KIF16B: variants seen among roughly 807,000 people sequenced by gnomAD.
KIF16B encodes the protein kinesin-like protein KIF16B.
A neutral mutation model predicts 156.3 loss-of-function variants in KIF16B; 98 were observed. The ratio of observed to expected loss-of-function variants is 0.63; its 90% CI spans 0.53 to 0.74. KIF16B has a LOEUF of 0.74. Ranked by LOEUF, KIF16B falls within the 30% of genes least tolerant of loss-of-function variation. The pLI is 0.00. For synonymous variants in KIF16B, 564 were observed against 583.7 expected, an observed-to-expected ratio of 0.97 and a Z score of 0.49; for missense variants, 1,421 against 1,606.5, an observed-to-expected ratio of 0.88 and a Z score of 1.97.
intron 17 of KIF16B, among the ~76,000 whole-genome samples, chr20:16,383,961 G>A (rs2065166327): frequency 6.6e-6 from 1 of 152,144 alleles, no homozygotes. Flanking sequence ...CATGCCCTCC[G>A]TCACTTGTTC....
chr20:16,386,140 G>T (rs544256192), intron 17 of KIF16B, among the ~76,000 whole-genome samples: 1 of 152,270 alleles, frequency 6.6e-6, no homozygotes, highest in Admixed American at 6.5e-5. Context: ...AGCCCCAAGA[G>T]TGGGTGAGGT....
chr20:16,521,780 G>A (rs6044065), intron 3 of KIF16B, among the ~76,000 whole-genome samples: 1 of 152,182 alleles, frequency 6.6e-6, no homozygotes, highest in African/African-American at 2.4e-5. Context: ...AGAAATGTCA[G>A]GTCACCCACA....
chr20:16,382,979 T>C (rs2065136499), intron 17 of KIF16B, among the ~76,000 whole-genome samples: 1 of 152,188 alleles, frequency 6.6e-6, no homozygotes, highest in South Asian at 2.1e-4. Flanking sequence ...GAGAATAAGA[T>C]GTCTGGTGGA....
intron 17 of KIF16B, among the ~76,000 whole-genome samples, chr20:16,386,521 C>A (rs576285677): frequency 1.3e-5 from 2 of 151,584 alleles, no homozygotes; most frequent in African/African-American, 4.9e-5. Flanking sequence ...TACAGTAGAG[C>A]GCTTTCTTGG....
chr20:16,545,194 A>G (rs1437233908), intron 1 of KIF16B, among the ~76,000 whole-genome samples: 1 of 152,102 alleles, frequency 6.6e-6, no homozygotes, highest in Non-Finnish European at 1.5e-5. Flanking sequence ...AACTTCTTTG[A>G]TATGCTTCCT....
chr20:16,458,078 C>G (rs1478143026), intron 12 of KIF16B, among the ~76,000 whole-genome samples: 2 of 152,086 alleles, frequency 1.3e-5, no homozygotes, highest in African/African-American at 4.8e-5. Context: ...CAACCCAGAT[C>G]AAAACGGTAT....
At chr20:16,505,658 T>G in intron 9 of KIF16B, 64 bp downstream of exon 9, 1 of 1,456,288 alleles carries the variant, frequency 6.9e-7, no homozygotes, top group Non-Finnish European at 9.5e-7. Flanking sequence ...ACTTTAAACT[T>G]AAATATTTAC....
chr20:16,404,778 T>A (rs1461342755), intron 17 of KIF16B, 35 bp downstream of exon 17: 2 of 1,483,046 alleles, frequency 1.3e-6, no homozygotes, highest in East Asian at 2.3e-5. Context: ...GCAAAAGTGA[T>A]CATCACAGGG....
chr20:16,565,256 C>T (rs2071210411), intron 1 of KIF16B, among the ~76,000 whole-genome samples: 2 of 152,090 alleles, frequency 1.3e-5, no homozygotes, highest in African/African-American at 4.8e-5. Context: ...CTGATAGTTA[C>T]CATGTTAGAA....
At chr20:16,457,767 C>G (rs1286189299) in intron 12 of KIF16B, among the ~76,000 whole-genome samples, 1 of 152,070 alleles carries the variant, frequency 6.6e-6, no homozygotes, top group Non-Finnish European at 1.5e-5. Context: ...AGGAGCTCCC[C>G]CTTGACATCC....
At chr20:16,467,260 A>T (rs1399326395) in intron 12 of KIF16B, among the ~76,000 whole-genome samples, 1 of 152,156 alleles carries the variant, frequency 6.6e-6, no homozygotes, top group African/African-American at 2.4e-5. Flanking sequence ...TCACCAAAAG[A>T]CTGAGACCTA....
At chr20:16,396,896 C>A (rs1022643341) in intron 17 of KIF16B, among the ~76,000 whole-genome samples, 1 of 113,942 alleles carries the variant, frequency 8.8e-6, no homozygotes, top group Non-Finnish European at 1.7e-5. Context: ...CAGGTTTAAT[C>A]CTGATTTTTG....
chr20:16,536,745 A>G (rs1471388046), intron 1 of KIF16B, among the ~76,000 whole-genome samples: 3 of 152,142 alleles, frequency 2.0e-5, no homozygotes, highest in African/African-American at 7.2e-5. Flanking sequence ...AAATATTTCA[A>G]AGATGAAAGA....
Position 16,356,281 on chromosome 20 carries a change from T to C in KIF16B, c.3621+49A>G, listed in dbSNP as rs1444052165. On this transcript the variant is annotated intron_variant, in intron 23 of 25. Transcript: ENST00000354981. ...GAAAAAATAAAGACAGATAAAGCAC[T>C]GCATAGTCTCCAACCTCCATTCTCC... 2.5e-6 allele frequency: 4 copies of C among 1,611,050 alleles called. No individual in the cohort carries two copies. In the East Asian group the frequency reaches 6.7e-5, roughly 27 times the overall value.
At chr20:16,432,949 T>C (rs1026080768) in intron 12 of KIF16B, among the ~76,000 whole-genome samples, 3 of 152,180 alleles carry the variant, frequency 2.0e-5, no homozygotes, top group Non-Finnish European at 4.4e-5. Flanking sequence ...ACCTCAGGCT[T>C]TGAGGTCGGA....
chr20:16,466,738 C>G (rs556780081), intron 12 of KIF16B, among the ~76,000 whole-genome samples: 3 of 151,626 alleles, frequency 2.0e-5, no homozygotes, highest in Admixed American at 2.0e-4. Context: ...CAGGTGGACA[C>G]AGAGAATCAA....
chr20:16,387,408 G>A (rs534172646), intron 17 of KIF16B, among the ~76,000 whole-genome samples: 97 of 152,270 alleles, frequency 6.4e-4, no homozygotes, highest in African/African-American at 2.3e-3. Context: ...ACTCACATAA[G>A]TGGAAGAACA....
intron 22 of KIF16B, among the ~76,000 whole-genome samples, chr20:16,363,317 T>C (rs1299373174): frequency 1.3e-5 from 2 of 152,150 alleles, no homozygotes; most frequent in Non-Finnish European, 1.5e-5. Flanking sequence ...AATCAGCCCA[T>C]CCATGGAGGT....
At chr20:16,324,050 A>G (rs570156749) in intron 24 of KIF16B, among the ~76,000 whole-genome samples, 3 of 152,148 alleles carry the variant, frequency 2.0e-5, no homozygotes, top group African/African-American at 7.2e-5. Context: ...AAAGTGAAAG[A>G]TACTTCAGAT....
Sources: allele counts gnomAD v4.1 joint callset (sites outside exome capture counted in the v4.1 genomes callset), GRCh38; gene constraint gnomAD v4.1.1; transcripts MANE v1.5; gene names NCBI Gene and HGNC (gene_info 2026-07-23, HGNC 2026-07-21).